The following GTF2E1 variants were observed in gnomAD, a reference collection of about 807,000 sequenced individuals.
GTF2E1 encodes the protein general transcription factor IIE subunit 1, also known as TFIIE alpha subunit.
A neutral mutation model predicts 34.9 loss-of-function variants in GTF2E1; 14 were observed. The ratio of observed to expected loss-of-function variants is 0.40; its 90% CI spans 0.27 to 0.63. The LOEUF is 0.63. GTF2E1 is among the 20% of genes least tolerant of loss of function. The pLI is 0.39. For missense variants in GTF2E1, 469 were observed against 557.7 expected (o/e 0.84, Z 1.60); for synonymous variants, 188 against 192.9 (o/e 0.97, Z 0.21).
At chr3:120,766,599 C>T (rs917112381) in intron 2 of GTF2E1, among the ~76,000 whole-genome samples, 1 of 152,026 alleles carries the variant, frequency 6.6e-6, no homozygotes, top group Admixed American at 6.6e-5. Context: ...TCTCCTTCAT[C>T]TTTTATCTTC....
At chr3:120,775,954 G>C (rs1196637279) in intron 3 of GTF2E1, among the ~76,000 whole-genome samples, 1 of 152,134 alleles carries the variant, frequency 6.6e-6, no homozygotes, top group African/African-American at 2.4e-5. Context: ...GCACACAAAA[G>C]AAAGGAAAAA....
At chr3:120,752,733 T>C (rs1475346412) in intron 2 of GTF2E1, among the ~76,000 whole-genome samples, 1 of 152,194 alleles carries the variant, frequency 6.6e-6, no homozygotes, top group Non-Finnish European at 1.5e-5. Context: ...GGCATGAAAG[T>C]ATTTTATGAA....
At chr3:120,759,683 T>C (rs952385056) in intron 2 of GTF2E1, among the ~76,000 whole-genome samples, 11 of 152,240 alleles carry the variant, frequency 7.2e-5, no homozygotes, top group Non-Finnish European at 1.2e-4. Flanking sequence ...CAGCACCATT[T>C]ATAAAATAGG....
intron 1 of GTF2E1, chr3:120,749,855 G>T (rs1450870946): frequency 6.6e-6 from 1 of 152,166 alleles, no homozygotes; most frequent in African/African-American, 2.4e-5. Context: ...AAGGGATCCA[G>T]TATTTAAGAA....
chr3:120,758,585 C>T (rs543053299), intron 2 of GTF2E1, among the ~76,000 whole-genome samples: 4 of 151,502 alleles, frequency 2.6e-5, no homozygotes, highest in East Asian at 2.0e-4. Flanking sequence ...CTCCCACCCC[C>T]GACAGGCCCT....
At chr3:120,748,741 T>G (rs13316584) in intron 1 of GTF2E1, among the ~76,000 whole-genome samples, 31,053 of 152,150 alleles carry the variant, frequency 0.2, 3,601 homozygotes, top group East Asian at 0.36. Context: ...TGGGCTCTTT[T>G]TTGGTTCCAT....
At chr3:120,752,524 ATTAAT>A (rs1434335310) in intron 2 of GTF2E1, among the ~76,000 whole-genome samples, 1 of 152,184 alleles carries the variant, frequency 6.6e-6, no homozygotes, top group Non-Finnish European at 1.5e-5. Context: ...TTTGAGTCAT[ATTAAT>A]TTAATTAAAC....
chr3:120,764,780 C>CT (rs368480796), intron 2 of GTF2E1, among the ~76,000 whole-genome samples: 4 of 151,648 alleles, frequency 2.6e-5, no homozygotes, highest in Non-Finnish European at 4.4e-5. Context: ...GTGGGGTTTT[C>CT]TTTTTTTTGC....
intron 1 of GTF2E1, among the ~76,000 whole-genome samples, chr3:120,747,118 T>A (rs1709113109): frequency 6.6e-6 from 1 of 152,048 alleles, no homozygotes; most frequent in Non-Finnish European, 1.5e-5. Flanking sequence ...TTTGTTTTTT[T>A]TTGAGACTGA....
At chr3:120,778,677 AT>A (rs1185141084) in intron 4 of GTF2E1, among the ~76,000 whole-genome samples, 1 of 152,080 alleles carries the variant, frequency 6.6e-6, no homozygotes, top group Non-Finnish European at 1.5e-5. Context: ...TTCACCATTG[AT>A]TTGAGTTTTA....
chr3:120,778,843 T>G (rs1007387263), intron 4 of GTF2E1, among the ~76,000 whole-genome samples: 1 of 152,200 alleles, frequency 6.6e-6, no homozygotes, highest in Admixed American at 6.5e-5. Flanking sequence ...TTTCAGTATA[T>G]TTTAGATTAT....
intron 4 of GTF2E1, among the ~76,000 whole-genome samples, chr3:120,780,586 C>T (rs932985956): frequency 4.6e-5 from 7 of 152,104 alleles, no homozygotes; most frequent in African/African-American, 1.7e-4. Flanking sequence ...CCCTATAGGC[C>T]ATTGCAAAGC....
chr3:120,749,306 A>C (rs1035074380), intron 1 of GTF2E1, among the ~76,000 whole-genome samples: 1 of 152,094 alleles, frequency 6.6e-6, no homozygotes, highest in African/African-American at 2.4e-5. Context: ...TAGGAGTGGT[A>C]AGAGAGGGCA....
chr3:120,761,983 G>A lies in GTF2E1; in HGVS notation c.449-8745G>A, dbSNP rs553962932. 1.8e-3 allele frequency among the ~76,000 whole-genome samples: 280 copies of A among 152,028 alleles called. 1 individual carries two copies. The highest frequency in any genetic ancestry group is 6.6e-3 in the African/African-American group (273 of 41,458). ...TTTTTTGTATTTTTAGTAGAGACGGGATTTCACCGTGTTAGCCAGGATGGT... is the reference window on the plus strand; with the variant it reads ...TTTTTTGTATTTTTAGTAGAGACGGAATTTCACCGTGTTAGCCAGGATGGT... On this transcript the variant is annotated intron_variant, in intron 2 of 4. Transcript: ENST00000283875.
intron 1 of GTF2E1, among the ~76,000 whole-genome samples, chr3:120,743,736 AGCATGTG>A (rs1179197330): frequency 6.6e-6 from 1 of 152,208 alleles, no homozygotes; most frequent in African/African-American, 2.4e-5. Flanking sequence ...CAGAAGGAAC[AGCATGTG>A]CAAAGCCTTG....
chr3:120,750,478 C>A, intron 1 of GTF2E1, 45 bp from the exon 2 acceptor site: 1 of 1,151,468 alleles, frequency 8.7e-7, no homozygotes, highest in Non-Finnish European at 1.3e-6. Context: ...ATATGATTAC[C>A]ATGTTCTTAT....
At chr3:120,758,582 C>CT (rs1709230611) in intron 2 of GTF2E1, among the ~76,000 whole-genome samples, 3 of 110,906 alleles carry the variant, frequency 2.7e-5, no homozygotes, top group Non-Finnish European at 4.6e-5. Flanking sequence ...AGCCTCCCAC[C>CT]CCCGACAGGC....
intron 2 of GTF2E1, among the ~76,000 whole-genome samples, chr3:120,757,471 G>T (rs960658013): frequency 6.6e-6 from 1 of 151,974 alleles, no homozygotes; most frequent in African/African-American, 2.4e-5. Flanking sequence ...GTGTTCTGTG[G>T]TGAATTTTTA....
intron 2 of GTF2E1, among the ~76,000 whole-genome samples, chr3:120,769,573 G>A (rs116748302): frequency 1.8e-3 from 273 of 152,248 alleles, no homozygotes; most frequent in Non-Finnish European, 2.6e-3. Flanking sequence ...ACAGAGTGAC[G>A]CTAAAACTAA....
Sources: allele counts gnomAD v4.1 joint callset (sites outside exome capture counted in the v4.1 genomes callset), GRCh38; gene constraint gnomAD v4.1.1; transcripts MANE v1.5; gene names NCBI Gene and HGNC (gene_info 2026-07-23, HGNC 2026-07-21).